Variants in CEP170 observed in about 807,000 individuals in gnomAD.
The protein encoded by CEP170 is centrosomal protein of 170 kDa.
A neutral mutation model predicts 151.9 loss-of-function variants in CEP170; 21 were observed. The ratio of observed to expected loss-of-function variants is 0.14; its 90% CI spans 0.10 to 0.20. CEP170 has a LOEUF of 0.20. CEP170 is among the 10% of genes least tolerant of loss of function. The pLI, the probability that CEP170 is intolerant of heterozygous loss-of-function variation, is 1.00. For synonymous variants in CEP170, 356 were observed against 648.8 expected (o/e 0.55, Z 6.86); for missense variants, 964 against 1,892.9 (o/e 0.51, Z 9.11).
At chr1:243,140,502 C>A in intron 15 of CEP170, 1 of 154,362 alleles carries the variant, frequency 6.5e-6, no homozygotes, top group Non-Finnish European at 1.4e-5. Flanking sequence ...AGTTTCCTAT[C>A]TTGTTTTTTC....
chr1:243,208,965 C>T (rs1032839046), intron 4 of CEP170, among the ~76,000 whole-genome samples: 1 of 151,754 alleles, frequency 6.6e-6, no homozygotes. Context: ...TTTTGGCTAC[C>T]TGAAGATTTA....
In CEP170 at chr1:243,207,933, A is replaced by C. The variant is rs1189707862; in HGVS notation, c.274+3953T>G. On this transcript the variant is annotated intron_variant, in intron 4 of 19. Transcript: ENST00000366542. ...AAAGTTTAGAATAAAGGTAACAGAA[A>C]TCAAATAGAAAACAGAAAAATGTGA... Among the ~76,000 whole-genome samples, 3 of 152,098 alleles carry C rather than the reference A, an allele frequency of 2.0e-5. No individual in the cohort carries two copies. The East Asian group carries it at 5.8e-4, about 29-fold the overall frequency.
At chr1:243,151,662 G>T (rs2057088678) in intron 14 of CEP170, among the ~76,000 whole-genome samples, 2 of 152,290 alleles carry the variant, frequency 1.3e-5, no homozygotes, top group African/African-American at 4.8e-5. Flanking sequence ...ACATGAAAGT[G>T]CACAGAGAAG....
intron 10 of CEP170, among the ~76,000 whole-genome samples, chr1:243,178,727 T>C (rs1381177189): frequency 2.0e-5 from 3 of 151,556 alleles, no homozygotes; most frequent in Non-Finnish European, 4.4e-5. Context: ...TCTTCTTCTT[T>C]TTTTTTTTTT....
intron 14 of CEP170, among the ~76,000 whole-genome samples, chr1:243,155,669 T>C (rs940683883): frequency 1.2e-4 from 18 of 152,266 alleles, no homozygotes; most frequent in African/African-American, 4.3e-4. Context: ...TAAATTTTTT[T>C]TGTACATAAT....
At chr1:243,156,479 A>C in intron 13 of CEP170, 24 bp from the exon 14 acceptor site, 2 of 1,521,422 alleles carry the variant, frequency 1.3e-6, no homozygotes, top group Non-Finnish European at 1.8e-6. Context: ...ATTATTAAAA[A>C]AAGAATTATT....
intron 13 of CEP170, among the ~76,000 whole-genome samples, chr1:243,158,283 AC>A (rs1247277447): frequency 6.6e-6 from 1 of 152,246 alleles, no homozygotes; most frequent in Non-Finnish European, 1.5e-5. Flanking sequence ...GTGCTATCTT[AC>A]AATAGTGTTC....
At chr1:243,197,017 ACT>A (rs2060698770) in intron 7 of CEP170, among the ~76,000 whole-genome samples, 1 of 151,898 alleles carries the variant, frequency 6.6e-6, no homozygotes, top group African/African-American at 2.4e-5. Flanking sequence ...AAATTAGAAA[ACT>A]CTGACATGAA....
chr1:243,214,235 AG>A (rs1293933244), intron 3 of CEP170, among the ~76,000 whole-genome samples: 1 of 151,206 alleles, frequency 6.6e-6, no homozygotes, highest in Non-Finnish European at 1.5e-5. Flanking sequence ...CACTTTATGG[AG>A]GAAAAAAGAT....
Position 243,172,799 on chromosome 1 carries a change from G to A in CEP170, c.1614C>T (p.Asn538=), listed in dbSNP as rs373560679. 1.8e-5 allele frequency: 28 copies of A among 1,574,130 alleles called. No homozygotes were observed. In the East Asian group the frequency reaches 4.2e-4, roughly 23 times the overall value. ...CTTTTATTAGATCTTTATGTTTTTC[G>A]TTGATAACAGGCCTATTATAATCCT... The part of the protein sequence containing the change: ...DNQDYNRPVI[N]EKHKDLIKDW... Residue 538 remains asparagine (N), a synonymous_variant, in exon 11 of 20, where the codon AAC becomes AAT. Coordinates refer to ENST00000366542, the MANE Select transcript of CEP170 (RefSeq NM_014812.3).
At chr1:243,211,756 T>C (rs753510196) in intron 4 of CEP170, 130 bp downstream of exon 4, 5 of 1,034,564 alleles carry the variant, frequency 4.8e-6, no homozygotes, top group South Asian at 3.1e-5. Flanking sequence ...TATTTTAGTA[T>C]AGGAATGCAC....
intron 1 of CEP170, among the ~76,000 whole-genome samples, chr1:243,239,284 C>T (rs1488567643): frequency 6.6e-6 from 1 of 152,152 alleles, no homozygotes; most frequent in Non-Finnish European, 1.5e-5. Context: ...CTCCCACTCC[C>T]GCTTTAGTTA....
intron 4 of CEP170, among the ~76,000 whole-genome samples, chr1:243,201,070 C>T (rs1231218197): frequency 6.6e-6 from 1 of 151,966 alleles, no homozygotes; most frequent in Non-Finnish European, 1.5e-5. Context: ...TGGTGGCCCT[C>T]AAGAAGCAAA....
intron 14 of CEP170, among the ~76,000 whole-genome samples, chr1:243,150,893 T>C (rs2057005317): frequency 6.6e-6 from 1 of 152,186 alleles, no homozygotes; most frequent in South Asian, 2.1e-4. Context: ...CACATTTAAT[T>C]AACTCATCCT....
chr1:243,214,246 T>A (rs1025641642), intron 3 of CEP170, among the ~76,000 whole-genome samples: 1 of 151,508 alleles, frequency 6.6e-6, no homozygotes, highest in Non-Finnish European at 1.5e-5. Context: ...GGAAAAAAGA[T>A]GGCTATCCTA....
chr1:243,197,665 C>T (rs1487043656), intron 7 of CEP170, among the ~76,000 whole-genome samples: 1 of 152,028 alleles, frequency 6.6e-6, no homozygotes. Flanking sequence ...CAGTCTGCAA[C>T]CACTATGAAG....
chr1:243,204,625 G>A (rs1411387306), intron 4 of CEP170, among the ~76,000 whole-genome samples: 1 of 152,014 alleles, frequency 6.6e-6, no homozygotes, highest in Non-Finnish European at 1.5e-5. Context: ...GCACATTAGT[G>A]GTTTCTCCTT....
Position 243,164,710 on chromosome 1 carries a change from C to T in CEP170, c.3250G>A (p.Gly1084Ser), listed in dbSNP as rs1293912126. Residue 1084 changes from glycine to serine, a missense_variant, in exon 13 of 20, where the codon GGT becomes AGT. Physicochemically the swap from Gly to Ser is moderately conservative, Grantham distance 56. Transcript: ENST00000366542. ...TKSKTSPVVS[G>S]SSSKSTTLPR... ...AGGGTGGTTGATTTACTAGATGAACCAGATACCACCGGAGAAGTCTTAGAT... is the reference window on the plus strand; with the variant it reads ...AGGGTGGTTGATTTACTAGATGAACTAGATACCACCGGAGAAGTCTTAGAT... The T allele has an allele frequency of 1.9e-6, 3 of 1,613,642 alleles. No individual in the cohort carries two copies. The highest frequency in any genetic ancestry group is 2.2e-5 in the South Asian group (2 of 91,048).
chr1:243,202,567 A>G lies in CEP170; in HGVS notation c.275-1732T>C, dbSNP rs183282003. ...TATAATATGAATTATATAAACACAT[A>G]TATATAATATAGAAAAACACTAGGG... On this transcript the variant is annotated intron_variant, in intron 4 of 19. Coordinates refer to ENST00000366542, the MANE Select transcript of CEP170 (RefSeq NM_014812.3). 6.6e-5 allele frequency among the ~76,000 whole-genome samples: 10 copies of G among 152,052 alleles called. No homozygotes were observed. The East Asian group carries it at 1.9e-3, about 29-fold the overall frequency.
Sources: gnomAD v4.1 joint callset for allele counts (sites outside exome capture counted in the v4.1 genomes callset) on GRCh38, gnomAD v4.1.1 for gene constraint, MANE v1.5 for transcripts, NCBI Gene and HGNC (gene_info 2026-07-23, HGNC 2026-07-21) for gene names.